The following URM1 variants were observed in gnomAD, a reference collection of about 807,000 sequenced individuals.
URM1 encodes the protein ubiquitin-related modifier 1.
In URM1, 11 loss-of-function variants were observed where a neutral mutation model predicts 17.7. That is an observed-to-expected ratio of 0.62 (90% CI 0.39 to 1.03). The LOEUF (loss-of-function observed/expected upper bound fraction) is 1.03, where lower values mean the gene tolerates loss of function less well. Ranked by LOEUF, URM1 falls within the 50% of genes least tolerant of loss-of-function variation. URM1 has a pLI of 0.00. For synonymous variants in URM1, 48 were observed against 50.6 expected, an observed-to-expected ratio of 0.95 and a Z score of 0.22; for missense variants, 128 against 129.2, an observed-to-expected ratio of 0.99 and a Z score of 0.04.
intron 2 of URM1, among the ~76,000 whole-genome samples, chr9:128,382,113 G>T (rs1272645820): frequency 4.6e-5 from 7 of 152,270 alleles, no homozygotes; most frequent in African/African-American, 1.7e-4. Flanking sequence ...ACAGGCAGGG[G>T]CCTATCCCCA....
At chr9:128,384,813 A>G (rs1461385265) in intron 2 of URM1, among the ~76,000 whole-genome samples, 1 of 152,022 alleles carries the variant, frequency 6.6e-6, no homozygotes, top group Admixed American at 6.5e-5. Flanking sequence ...CCTATTACCT[A>G]AGGTAATAGA....
At chr9:128,383,142 A>T (rs1833181293) in intron 2 of URM1, among the ~76,000 whole-genome samples, 1 of 152,054 alleles carries the variant, frequency 6.6e-6, no homozygotes, top group Non-Finnish European at 1.5e-5. Context: ...CTCTGCTCTC[A>T]GGGCCTGTTT....
intron 2 of URM1, among the ~76,000 whole-genome samples, chr9:128,381,115 C>T (rs538161406): frequency 1.9e-4 from 29 of 152,068 alleles, no homozygotes; most frequent in Admixed American, 1.8e-3. Flanking sequence ...TGAGCCACCG[C>T]GCCCAGCCCC....
chr9:128,384,157 G>A (rs950341114), intron 2 of URM1, among the ~76,000 whole-genome samples: 7 of 152,174 alleles, frequency 4.6e-5, no homozygotes, highest in African/African-American at 9.7e-5. Context: ...TAAGGCCATC[G>A]AGCACACAGC....
rs545615841 is a variant in URM1 at position 128,381,075 on chromosome 9, C to T, written c.106+2969C>T. ...TCCTGACCTGGTGATCCGCCCGCCT[C>T]GGCCTCCCAAAGTGCTGGGATTACA... On this transcript the variant is annotated intron_variant, in intron 2 of 4. Coordinates refer to ENST00000372853, the MANE Select transcript of URM1 (RefSeq NM_030914.4). 9.9e-5 allele frequency among the ~76,000 whole-genome samples: 15 copies of T among 152,208 alleles called. No individual in the cohort carries two copies. In the South Asian group the frequency reaches 2.9e-3, roughly 29 times the overall value.
In URM1 at chr9:128,387,204, G is replaced by A. The variant is rs983642856; in HGVS notation, c.107-612G>A. Among the ~76,000 whole-genome samples, 5 of 152,254 alleles carry A rather than the reference G, an allele frequency of 3.3e-5. No homozygotes were observed. The highest frequency in any genetic ancestry group is 5.9e-5 in the Non-Finnish European group (4 of 68,056). On this transcript the variant is annotated intron_variant, in intron 2 of 4. Transcript: ENST00000372853. This position sits in a 1 kb window ranked among gnomAD's most constrained non-coding sequence, Gnocchi z 4.3. ...GGCCACCGCTGGCGCGGAGGGCTCTGGAAGCACAGGGTGGTGGCAGGGGAG... is the reference window on the plus strand; with the variant it reads ...GGCCACCGCTGGCGCGGAGGGCTCTAGAAGCACAGGGTGGTGGCAGGGGAG...
At chr9:128,386,427 C>T (rs113820234) in intron 2 of URM1, among the ~76,000 whole-genome samples, 195 of 152,364 alleles carry the variant, frequency 1.3e-3, no homozygotes, top group African/African-American at 3.9e-3. Flanking sequence ...AGACTCTGAT[C>T]TGCTTTGTTT....
chr9:128,389,496 A>C (rs1180403434), intron 4 of URM1, 170 bp from the exon 5 acceptor site: 14 of 1,555,102 alleles, frequency 9.0e-6, no homozygotes, highest in South Asian at 1.2e-5. Context: ...GGGACATGGG[A>C]GTACTCCTCC....
At chr9:128,376,710 GGCACAGTGACTCATGCTTCTGATTTCA>G (rs1173798650) in intron 1 of URM1, among the ~76,000 whole-genome samples, 2 of 151,988 alleles carry the variant, frequency 1.3e-5, no homozygotes, top group African/African-American at 2.4e-5. Context: ...AAATAGGCCA[GGCACAGTGACTCATGCTTCTGATTTCA>G]GCACTTTGGG....
chr9:128,375,059 C>G (rs1382986179), intron 1 of URM1, among the ~76,000 whole-genome samples: 1 of 152,230 alleles, frequency 6.6e-6, no homozygotes, highest in Admixed American at 6.5e-5. Context: ...CCCTGCCTCT[C>G]TAACCTTGGA....
At chr9:128,373,473 C>T (rs531961996) in intron 1 of URM1, among the ~76,000 whole-genome samples, 2 of 152,252 alleles carry the variant, frequency 1.3e-5, no homozygotes, top group African/African-American at 4.8e-5. Context: ...AAGGGTCTCC[C>T]TCCTGAGCAG....
rs1833310611 is a variant in URM1 at position 128,391,267 on chromosome 9, G to A, written c.*1533G>A. ...AAAGGTTGTCCCAGCAGTGTTGGGG[G>A]ATGGGGTGTGCACATCATTCTTTTG... On this transcript the variant is annotated 3_prime_UTR_variant, in exon 5 of 5. Coordinates refer to ENST00000372853, the MANE Select transcript of URM1 (RefSeq NM_030914.4). The A allele has an allele frequency of 6.6e-6, 1 of 152,284 alleles. No individual in the cohort carries two copies. 9.4% of individuals were successfully genotyped at this position (152,284 alleles called of 1,614,324 possible). A position where few individuals can be genotyped will look rare whatever the true frequency, so the allele number is the denominator to read the frequency against.
rs571998732 is a variant in URM1 at position 128,373,343 on chromosome 9, A to G, written c.35+1928A>G. ...TGCCCTGACCTTTCTTTCATTTCCTATGTATCTTAGCAGACATGATTCACC... is the reference window on the plus strand; with the variant it reads ...TGCCCTGACCTTTCTTTCATTTCCTGTGTATCTTAGCAGACATGATTCACC... On this transcript the variant is annotated intron_variant, in intron 1 of 4. Transcript: ENST00000372853. Among the ~76,000 whole-genome samples, 20 of 152,000 alleles carry G rather than the reference A, an allele frequency of 1.3e-4. No individual in the cohort carries two copies. The South Asian group carries it at 3.3e-3, about 25-fold the overall frequency.
At chr9:128,386,901 T>C (rs1833235896) in intron 2 of URM1, among the ~76,000 whole-genome samples, 1 of 152,142 alleles carries the variant, frequency 6.6e-6, no homozygotes, top group East Asian at 1.9e-4. Flanking sequence ...TATCCTCAAG[T>C]CGTCTAAGAG....
Position 128,389,968 on chromosome 9 carries a change from G to A in URM1, c.*234G>A, listed in dbSNP as rs140759094. 4.3e-4 allele frequency: 252 copies of A among 582,166 alleles called. 2 individuals are homozygous for A. The highest frequency in any genetic ancestry group is 4.3e-3 in the African/African-American group (229 of 53,140). 36.1% of individuals were successfully genotyped at this position (582,166 alleles called of 1,614,324 possible). A position where few individuals can be genotyped will look rare whatever the true frequency, so the allele number is the denominator to read the frequency against. On this transcript the variant is annotated 3_prime_UTR_variant, in exon 5 of 5. Transcript: ENST00000372853. ...GAGCCCAGCACTCCCTTTTCCAGCA[G>A]CTGTGGTGGGGGAGGGTTCCCCTCC...
At chr9:128,383,356 C>T (rs528323751) in intron 2 of URM1, among the ~76,000 whole-genome samples, 2 of 152,216 alleles carry the variant, frequency 1.3e-5, no homozygotes, top group Admixed American at 6.5e-5. Context: ...CTGATGTTCC[C>T]TCCACCCCCT....
At chr9:128,384,141 C>A (rs1346122457) in intron 2 of URM1, among the ~76,000 whole-genome samples, 1 of 152,184 alleles carries the variant, frequency 6.6e-6, no homozygotes, top group Non-Finnish European at 1.5e-5. Flanking sequence ...GAAGTGACTT[C>A]CTAGCTAAGG....
At chr9:128,377,676 T>C (rs1833095616) in intron 1 of URM1, among the ~76,000 whole-genome samples, 1 of 151,882 alleles carries the variant, frequency 6.6e-6, no homozygotes, top group Admixed American at 6.6e-5. Context: ...CAGAGTAAAA[T>C]AAAATTAAAT....
chr9:128,377,888 A>T, intron 1 of URM1, 148 bp from the exon 2 acceptor site: 1 of 713,132 alleles, frequency 1.4e-6, no homozygotes, highest in Non-Finnish European at 2.4e-6. Flanking sequence ...AAAAAGAATT[A>T]GTCACTGCAC....
Sources: gnomAD v4.1 joint callset for allele counts (sites outside exome capture counted in the v4.1 genomes callset) on GRCh38, gnomAD v4.1.1 for gene constraint, Gnocchi (gnomAD v3.1) non-coding constraint, MANE v1.5 for transcripts, NCBI Gene and HGNC (gene_info 2026-07-23, HGNC 2026-07-21) for gene names.